AIG1: variants seen among roughly 807,000 people sequenced by gnomAD.
AIG1 encodes androgen induced 1.
AIG1 carries 23 observed loss-of-function variants against 31.4 expected under a neutral mutation model. The observed-to-expected ratio is 0.73, with a 90% CI of 0.53 to 1.04. The LOEUF (loss-of-function observed/expected upper bound fraction) is 1.04. AIG1 is among the 50% of genes least tolerant of loss of function. The pLI is 0.00. For synonymous variants in AIG1, 100 were observed against 110.5 expected (o/e 0.90, Z 0.60); for missense variants, 274 against 295.0 (o/e 0.93, Z 0.52).
Position 143,065,960 on chromosome 6 carries a change from G to T in AIG1, c.141+4894G>T, listed in dbSNP as rs140193585. 3.6e-4 allele frequency among the ~76,000 whole-genome samples: 55 copies of T among 152,284 alleles called. 1 individual carries two copies. Among genetic ancestry groups the T allele is most frequent in the East Asian group, 3.5e-3 (18 of 5,180 alleles). ...ATTTTGAGAGTCATCCTCTCTTAGG[G>T]CCGTATCATACCCATTATTCCTCCT... On this transcript the variant is annotated intron_variant, in intron 1 of 5. Coordinates refer to ENST00000357847, the MANE Select transcript of AIG1 (RefSeq NM_016108.4).
In AIG1 at chr6:143,231,082, TAA is replaced by T. The variant is rs555555481; in HGVS notation, c.400-53026_400-53025del. On this transcript the variant is annotated intron_variant, in intron 3 of 5. Coordinates refer to ENST00000357847, the MANE Select transcript of AIG1 (RefSeq NM_016108.4). ...GAACCGCCACCCAGCAAAACTTTCTTAAAGTTACTGGATATCATATAGTATTG... is the reference window on the plus strand; with the variant it reads ...GAACCGCCACCCAGCAAAACTTTCTTAGTTACTGGATATCATATAGTATTG... Among the ~76,000 whole-genome samples the T allele has an allele frequency of 1.6e-4, 25 of 152,334 alleles. No individual in the cohort carries two copies. The South Asian group carries it at 5.2e-3, about 32-fold the overall frequency.
Position 143,136,926 on chromosome 6 carries a change from A to G in AIG1, c.233A>G (p.Gln78Arg). The change falls in exon 2 of 6, where the codon CAG becomes CGG. Residue 78 changes from glutamine to arginine, a missense_variant. Physicochemically the swap from Gln to Arg is conservative, Grantham distance 43. Around this residue, in one of 2 missense-constraint regions of AIG1, gnomAD observed 243 missense variants for 238.5 expected, o/e 1.02. Transcript: ENST00000357847. ...AGTGGGAACCAGGAGCAAGAGAGGC[A>G]GCTCAAGAAGCTCATCTCTCTCCGG... Reference protein sequence around the residue: ...RGSGNQEQERQLKKLISLRDW... With the variant: ...RGSGNQEQERRLKKLISLRDW... 6.5e-7 allele frequency: 1 copy of G among 1,532,682 alleles called. No individual in the cohort carries two copies. Among genetic ancestry groups the G allele is most frequent in the Middle Eastern group, 1.7e-4 (1 of 5,762 alleles). The allele number at this position is 1,532,682 out of a possible 1,614,324, so 94.9% of individuals were successfully genotyped here.
intron 3 of AIG1, among the ~76,000 whole-genome samples, chr6:143,174,154 C>G (rs974661013): frequency 2.6e-5 from 4 of 152,100 alleles, no homozygotes; most frequent in Non-Finnish European, 4.4e-5. Context: ...CTCTTTAAAG[C>G]AACTGCTGTT....
At chr6:143,070,383 C>T (rs1234010462) in intron 1 of AIG1, among the ~76,000 whole-genome samples, 3 of 151,704 alleles carry the variant, frequency 2.0e-5, no homozygotes, top group East Asian at 3.9e-4. Context: ...ATAGTTTGTG[C>T]GTGTATTTTG....
intron 3 of AIG1, among the ~76,000 whole-genome samples, chr6:143,235,866 G>A (rs1485609569): frequency 6.6e-6 from 1 of 152,146 alleles, no homozygotes; most frequent in African/African-American, 2.4e-5. Context: ...AGGAAATCCT[G>A]TTTTTTCCAA....
chr6:143,250,305 T>G (rs546465487), intron 3 of AIG1, among the ~76,000 whole-genome samples: 1 of 152,362 alleles, frequency 6.6e-6, no homozygotes, highest in South Asian at 2.1e-4. Context: ...ATTTTTACGT[T>G]TTAAATGTTT....
intron 1 of AIG1, among the ~76,000 whole-genome samples, chr6:143,127,758 GCTCACTACA>G: frequency 6.6e-6 from 1 of 151,926 alleles, no homozygotes; most frequent in East Asian, 1.9e-4. Context: ...TACAATCTTG[GCTCACTACA>G]GCCTTCACCT....
At chr6:143,165,010 A>T in intron 2 of AIG1, 72 bp from the exon 3 acceptor site, 1 of 1,178,450 alleles carries the variant, frequency 8.5e-7, no homozygotes, top group African/African-American at 1.5e-5. Context: ...TCTTTCAACT[A>T]TTGTTAACCA....
chr6:143,150,235 A>C lies in AIG1; in HGVS notation c.297+13245A>C, dbSNP rs147739014. The stretch of plus-strand genomic sequence containing the variant: ...CATCCTGAGCCCTATTGTTCATCAA[A>C]GTCCTTCTGTAATTAATCTTGGCTG... On this transcript the variant is annotated intron_variant, in intron 2 of 5. Transcript: ENST00000357847. 9.8e-4 allele frequency among the ~76,000 whole-genome samples: 150 copies of C among 152,348 alleles called. 1 individual carries two copies. The highest frequency in any genetic ancestry group is 3.5e-3 in the African/African-American group (147 of 41,582).
intron 2 of AIG1, among the ~76,000 whole-genome samples, chr6:143,145,360 C>G (rs1231437387): frequency 6.6e-6 from 1 of 152,154 alleles, no homozygotes; most frequent in Admixed American, 6.5e-5. Flanking sequence ...TTTCTATTAT[C>G]CACGTCTGTC....
At chr6:143,161,531 A>G (rs767541334) in intron 2 of AIG1, among the ~76,000 whole-genome samples, 2 of 141,928 alleles carry the variant, frequency 1.4e-5, no homozygotes, top group Non-Finnish European at 3.2e-5. Context: ...AACATATATT[A>G]TATATATATG....
rs916286688 is a variant in AIG1 at position 143,133,784 on chromosome 6, C to T, written c.142-3051C>T. Reference sequence around the variant, plus strand: ...GAATTAACTTGTCCTTGGAGGGTATCGCAATAGCTTTAACCAGAACTTTCT... The same window carrying T: ...GAATTAACTTGTCCTTGGAGGGTATTGCAATAGCTTTAACCAGAACTTTCT... On this transcript the variant is annotated intron_variant, in intron 1 of 5. Transcript: ENST00000357847. Among the ~76,000 whole-genome samples, 68 of 152,038 alleles carry T rather than the reference C, an allele frequency of 4.5e-4. 1 individual carries two copies. The highest frequency in any genetic ancestry group is 1.6e-3 in the African/African-American group (67 of 41,432).
chr6:143,197,098 T>C (rs976969534), intron 3 of AIG1, among the ~76,000 whole-genome samples: 1 of 152,176 alleles, frequency 6.6e-6, no homozygotes, highest in Admixed American at 6.5e-5. Flanking sequence ...TGGGACATCA[T>C]TGTTTAGGAA....
At position 143,333,133 on chromosome 6, in the gene AIG1, C is replaced by T; in HGVS notation, c.516-149C>T. 1.5e-6 allele frequency: 1 copy of T among 672,902 alleles called. No individual in the cohort carries two copies. Among genetic ancestry groups the T allele is most frequent in the Non-Finnish European group, 2.3e-6 (1 of 431,322 alleles). 41.7% of individuals were successfully genotyped at this position (672,902 alleles called of 1,614,324 possible). A position where few individuals can be genotyped will look rare whatever the true frequency, so the allele number is the denominator to read the frequency against. ...TGAAAATAAACAGCAACCAAGTTTC[C>T]AGTAGCTCCTGAGTATCAGAAGCGA... On this transcript the variant is annotated intron_variant, in intron 4 of 5. Transcript: ENST00000357847. The surrounding 1 kb of genome is among the most constrained non-coding windows in gnomAD (Gnocchi z 4.6).
At position 143,335,000 on chromosome 6, in the gene AIG1, T is replaced by C. The variant is rs897287021; in HGVS notation, c.679+1555T>C. On this transcript the variant is annotated intron_variant, in intron 5 of 5. Coordinates refer to ENST00000357847, the MANE Select transcript of AIG1 (RefSeq NM_016108.4). This position sits in a 1 kb window ranked among gnomAD's most constrained non-coding sequence, Gnocchi z 5.1. Reference sequence around the variant, plus strand: ...TGAATGATTTGTTTAATTTATGCCATTCTTTTAAGTAACATAAGATTGACT... The same window carrying C: ...TGAATGATTTGTTTAATTTATGCCACTCTTTTAAGTAACATAAGATTGACT... 26 of 1,058,658 alleles carry C rather than the reference T, an allele frequency of 2.5e-5. No homozygotes were observed. Among genetic ancestry groups the C allele is most frequent in the Non-Finnish European group, 3.4e-5 (26 of 775,250 alleles). The allele number at this position is 1,058,658 out of a possible 1,614,324, so 65.6% of individuals were successfully genotyped here. A position where few individuals can be genotyped will look rare whatever the true frequency, so the allele number is the denominator to read the frequency against.
At chr6:143,249,686 G>A (rs924891910) in intron 3 of AIG1, among the ~76,000 whole-genome samples, 13 of 152,078 alleles carry the variant, frequency 8.5e-5, no homozygotes, top group Admixed American at 3.3e-4. Context: ...GATAGTTTGC[G>A]TTACTCAGAG....
intron 3 of AIG1, among the ~76,000 whole-genome samples, chr6:143,195,504 CAGA>C (rs1790149164): frequency 6.6e-6 from 1 of 152,122 alleles, no homozygotes; most frequent in East Asian, 1.9e-4. Flanking sequence ...AAGATGGGGT[CAGA>C]TGAACATTTT....
intron 1 of AIG1, among the ~76,000 whole-genome samples, chr6:143,099,861 A>C (rs1386261232): frequency 6.6e-6 from 1 of 152,216 alleles, no homozygotes; most frequent in African/African-American, 2.4e-5. Context: ...TCTAACTGAC[A>C]GAATGATTTA....
At chr6:143,296,389 G>A (rs920891953) in intron 4 of AIG1, among the ~76,000 whole-genome samples, 2 of 152,096 alleles carry the variant, frequency 1.3e-5, no homozygotes, top group Non-Finnish European at 2.9e-5. Flanking sequence ...TCATTTCCCC[G>A]AGGGGTGCCT....
Sources: allele counts gnomAD v4.1 joint callset (sites outside exome capture counted in the v4.1 genomes callset), GRCh38; gene constraint gnomAD v4.1.1; regional missense constraint gnomAD v4.1.1; non-coding constraint Gnocchi (gnomAD v3.1); transcripts MANE v1.5; gene names NCBI Gene and HGNC (gene_info 2026-07-23, HGNC 2026-07-21).